TEX19: variants seen among roughly 807,000 people sequenced by gnomAD.
TEX19 encodes testis expressed 19.
For missense variants in TEX19, 184 were observed against 194.4 expected, an observed-to-expected ratio of 0.95 and a Z score of 0.32; for synonymous variants, 77 against 73.9, an observed-to-expected ratio of 1.04 and a Z score of -0.21.
Position 82,362,854 on chromosome 17 carries a change from T to A in TEX19, c.*209T>A. ...CCAGGGCAGCACTGGAAATTGCTGC[T>A]GGAGCCTGGTGAAGTGTGGGTGGTG... On this transcript the variant is annotated 3_prime_UTR_variant, in exon 2 of 2. Coordinates refer to ENST00000333437, the MANE Select transcript of TEX19 (RefSeq NM_207459.4). This position sits in a 1 kb window ranked among gnomAD's most constrained non-coding sequence, Gnocchi z 5.5. 1.7e-6 allele frequency: 1 copy of A among 571,974 alleles called. No individual in the cohort carries two copies. Among genetic ancestry groups the A allele is most frequent in the Non-Finnish European group, 3.0e-6 (1 of 338,202 alleles). The allele number at this position is 571,974 out of a possible 1,614,324, so 35.4% of individuals were successfully genotyped here.
Position 82,362,125 on chromosome 17 carries a change from C to A in TEX19, c.-26C>A. The A allele has an allele frequency of 6.3e-7, 1 of 1,578,884 alleles. No individual in the cohort carries two copies. Among genetic ancestry groups the A allele is most frequent in the Non-Finnish European group, 8.6e-7 (1 of 1,164,220 alleles). On this transcript the variant is annotated 5_prime_UTR_variant, in exon 2 of 2. Transcript: ENST00000333437. This position sits in a 1 kb window ranked among gnomAD's most constrained non-coding sequence, Gnocchi z 5.5. ...TGAAGGCCCAGCTCTTGCTGTCCACCCCGGCAGTAGGCAGGCAGCCTGGCC... is the reference window on the plus strand; with the variant it reads ...TGAAGGCCCAGCTCTTGCTGTCCACACCGGCAGTAGGCAGGCAGCCTGGCC...
intron 1 of TEX19, among the ~76,000 whole-genome samples, chr17:82,360,381 A>C (rs1599668145): frequency 1.7e-5 from 1 of 58,700 alleles, no homozygotes; most frequent in Non-Finnish European, 3.0e-5. Flanking sequence ...GTTTCCCTCA[A>C]GTTTCCCTCA....
In TEX19 at chr17:82,361,865, C is replaced by T. The variant is rs760776201; in HGVS notation, c.-271-15C>T. 6.0e-4 allele frequency: 502 copies of T among 837,248 alleles called. No homozygotes were observed. Among genetic ancestry groups the T allele is most frequent in the Middle Eastern group, 8.9e-4 (2 of 2,242 alleles). 51.9% of individuals were successfully genotyped at this position (837,248 alleles called of 1,614,324 possible). Reference sequence around the variant, plus strand: ...CTGCTGGGGGTGCCTAACCTCCCTTCCTTTGCCTTTCCAGCTCTCCTGAGA... The same window carrying T: ...CTGCTGGGGGTGCCTAACCTCCCTTTCTTTGCCTTTCCAGCTCTCCTGAGA... On this transcript the variant is annotated splice_polypyrimidine_tract_variant and intron_variant, in intron 1 of 1. Transcript: ENST00000333437.
Position 82,362,330 on chromosome 17 carries a change from C to A in TEX19, c.180C>A (p.Asp60Glu). 1 of 1,613,866 alleles carries A rather than the reference C, an allele frequency of 6.2e-7. No individual in the cohort carries two copies. ...ESEDWEEDNW[D>E]PELMEHTEAE... ...AGGACTGGGAAGAAGACAACTGGGA[C>A]CCTGAGCTGATGGAGCACACTGAGG... The change falls in exon 2 of 2, where the codon GAC becomes GAA. Residue 60 changes from aspartate (D) to glutamate (E), a missense_variant. Coordinates refer to ENST00000333437, the MANE Select transcript of TEX19 (RefSeq NM_207459.4). This position sits in a 1 kb window ranked among gnomAD's most constrained non-coding sequence, Gnocchi z 5.5.
chr17:82,359,740 T>C (rs1173935337), intron 1 of TEX19, among the ~76,000 whole-genome samples: 5 of 115,422 alleles, frequency 4.3e-5, no homozygotes, highest in African/African-American at 6.8e-5. Flanking sequence ...TCAGTTTCCC[T>C]CAGGTTCCCT....
rs781052597 is a variant in TEX19, at chr17:82,362,533, A to T, written c.383A>T (p.Glu128Val). Reference protein sequence around the residue: ...HFVPTELWPQEAVPLGLGLED... With the variant: ...HFVPTELWPQVAVPLGLGLED... Reference sequence around the variant, plus strand: ...GTCCCCACTGAACTATGGCCTCAGGAGGCTGTGCCCCTGGGCCTGGGCCTT... The same window carrying T: ...GTCCCCACTGAACTATGGCCTCAGGTGGCTGTGCCCCTGGGCCTGGGCCTT... The change falls in exon 2 of 2, where the codon GAG (glutamate) becomes GTG (valine). Residue 128 changes from glutamate to valine, a missense_variant. By Grantham distance (121) the Glu-to-Val change is moderately radical (BLOSUM62 -2). Coordinates refer to ENST00000333437, the MANE Select transcript of TEX19 (RefSeq NM_207459.4). This position sits in a 1 kb window ranked among gnomAD's most constrained non-coding sequence, Gnocchi z 5.5. 1.2e-5 allele frequency: 19 copies of T among 1,612,832 alleles called. No individual in the cohort carries two copies. The highest frequency in any genetic ancestry group is 1.6e-5 in the Non-Finnish European group (19 of 1,179,894).
At chr17:82,360,248 C>T (rs866725100) in intron 1 of TEX19, among the ~76,000 whole-genome samples, 1 of 87,870 alleles carries the variant, frequency 1.1e-5, no homozygotes, top group Non-Finnish European at 2.3e-5. Context: ...TCAGGTTCCC[C>T]CAGTTTCCCT....
rs767149161 is a variant in TEX19, at chr17:82,362,625, C to T, written c.475C>T (p.Pro159Ser). 13 of 1,553,642 alleles carry T rather than the reference C, an allele frequency of 8.4e-6. No homozygotes were observed. In the South Asian group the frequency reaches 1.5e-4, roughly 18 times the overall value. The change falls in exon 2 of 2, where the codon CCA becomes TCA. Residue 159 changes from proline to serine, a missense_variant. Coordinates refer to ENST00000333437, the MANE Select transcript of TEX19 (RefSeq NM_207459.4). The surrounding 1 kb of genome is among the most constrained non-coding windows in gnomAD (Gnocchi z 5.5). ...GGAGCTTCTTACCTGCTCACACTGG[C>T]CAAGCTTCTTTCCTTCATAGCAGGG... ...FEELLTCSHWPSFFPS is the reference protein window; with the variant it reads ...FEELLTCSHWSSFFPS
chr17:82,362,210 C>T lies in TEX19; in HGVS notation c.60C>T (p.Ser20=), dbSNP rs1432339584. 3.1e-6 allele frequency: 5 copies of T among 1,613,716 alleles called. No homozygotes were observed. Among genetic ancestry groups the T allele is most frequent in the South Asian group, 1.1e-5 (1 of 91,090 alleles). ...EEEGMSYLYA[S]WMYQLQHGDQ... ...AGGGCATGTCCTACCTCTACGCCTC[C>T]TGGATGTATCAGCTTCAACATGGAG... is the stretch of plus-strand genomic sequence containing the variant. Residue 20 remains serine (S), a synonymous_variant, in exon 2 of 2, where the codon TCC becomes TCT. Transcript: ENST00000333437. This position sits in a 1 kb window ranked among gnomAD's most constrained non-coding sequence, Gnocchi z 5.5.
In TEX19 at chr17:82,362,133, T is replaced by C. The variant is rs765440394; in HGVS notation, c.-18T>C. ...CAGCTCTTGCTGTCCACCCCGGCAG[T>C]AGGCAGGCAGCCTGGCCATGTGCCC... On this transcript the variant is annotated 5_prime_UTR_variant, in exon 2 of 2. Transcript: ENST00000333437. The surrounding 1 kb of genome is among the most constrained non-coding windows in gnomAD (Gnocchi z 5.5). 1.9e-6 allele frequency: 3 copies of C among 1,586,230 alleles called. No homozygotes were observed. The highest frequency in any genetic ancestry group is 2.6e-6 in the Non-Finnish European group (3 of 1,167,292).
At chr17:82,359,744 G>GT (rs2052363341) in intron 1 of TEX19, among the ~76,000 whole-genome samples, 1 of 94,300 alleles carries the variant, frequency 1.1e-5, no homozygotes, top group African/African-American at 4.3e-5. Context: ...TTTCCCTCAG[G>GT]TTCCCTCAGT....
At position 82,362,432 on chromosome 17, in the gene TEX19, C is replaced by T. The variant is rs201483934; in HGVS notation, c.282C>T (p.Gly94=). 18 of 1,612,786 alleles carry T rather than the reference C, an allele frequency of 1.1e-5. No homozygotes were observed. The highest frequency in any genetic ancestry group is 1.7e-5 in the Admixed American group (1 of 59,998). ...GQSPGQPVQG[G]SEAWGPGTLA... ...GCCCAGGACAGCCTGTGCAGGGGGGCTCTGAGGCATGGGGGCCAGGGACCC... is the reference window on the plus strand; with the variant it reads ...GCCCAGGACAGCCTGTGCAGGGGGGTTCTGAGGCATGGGGGCCAGGGACCC... The change falls in exon 2 of 2, where the codon GGC becomes GGT. Residue 94 remains glycine, a synonymous_variant. Coordinates refer to ENST00000333437, the MANE Select transcript of TEX19 (RefSeq NM_207459.4). The surrounding 1 kb of genome is among the most constrained non-coding windows in gnomAD (Gnocchi z 5.5).
At chr17:82,361,555 C>T (rs1278963966) in intron 1 of TEX19, 1 of 944,696 alleles carries the variant, frequency 1.1e-6, no homozygotes, top group Non-Finnish European at 1.3e-6. Flanking sequence ...CTCAGGTTCC[C>T]TCAGGTTCCC....
intron 1 of TEX19, among the ~76,000 whole-genome samples, chr17:82,360,171 TTTCCCTCAGG>T (rs200746779): frequency 3.7e-4 from 17 of 46,098 alleles, no homozygotes; most frequent in Non-Finnish European, 6.4e-4. Context: ...GTTCCCTCAG[TTTCCCTCAGG>T]TTCCCCCAGT....
At chr17:82,359,387 GTTCCCTCAGTTTCCCTCAAAT>G (rs1375726041) in intron 1 of TEX19, 102 bp downstream of exon 1, 2 of 152,186 alleles carry the variant, frequency 1.3e-5, no homozygotes, top group Non-Finnish European at 2.9e-5. Flanking sequence ...GATTCCTCAG[GTTCCCTCAGTTTCCCTCAAAT>G]TTCCCTCAGT....
intron 1 of TEX19, 184 bp from the exon 2 acceptor site, chr17:82,361,696 G>A: frequency 1.0e-6 from 1 of 985,380 alleles, no homozygotes; most frequent in South Asian, 4.7e-5. Flanking sequence ...GGGGGTGGCT[G>A]ATGAGCCCGG....
Position 82,362,872 on chromosome 17 carries a change from G to A in TEX19, c.*227G>A. 1.9e-6 allele frequency: 1 copy of A among 530,618 alleles called. No individual in the cohort carries two copies. The highest frequency in any genetic ancestry group is 3.3e-6 in the Non-Finnish European group (1 of 303,144). 32.9% of individuals were successfully genotyped at this position (530,618 alleles called of 1,614,324 possible). ...TTGCTGCTGGAGCCTGGTGAAGTGT[G>A]GGTGGTGAGACTCCAAGATGCACCC... On this transcript the variant is annotated 3_prime_UTR_variant, in exon 2 of 2. Transcript: ENST00000333437. The surrounding 1 kb of genome is among the most constrained non-coding windows in gnomAD (Gnocchi z 5.5).
chr17:82,362,901 G>T lies in TEX19; in HGVS notation c.*256G>T. Reference sequence around the variant, plus strand: ...GGTGAGACTCCAAGATGCACCCCAAGAGCAGGACCTGCACTGGTGGATGCT... The same window carrying T: ...GGTGAGACTCCAAGATGCACCCCAATAGCAGGACCTGCACTGGTGGATGCT... On this transcript the variant is annotated 3_prime_UTR_variant, in exon 2 of 2. Transcript: ENST00000333437. The surrounding 1 kb of genome is among the most constrained non-coding windows in gnomAD (Gnocchi z 5.5). The T allele has an allele frequency of 2.1e-6, 1 of 474,586 alleles. No homozygotes were observed. The highest frequency in any genetic ancestry group is 4.5e-5 in the South Asian group (1 of 22,014). 29.4% of individuals were successfully genotyped at this position (474,586 alleles called of 1,614,324 possible).
chr17:82,362,004 G>A lies in TEX19; in HGVS notation c.-147G>A. The A allele has an allele frequency of 8.9e-7, 1 of 1,128,828 alleles. No individual in the cohort carries two copies. Among genetic ancestry groups the A allele is most frequent in the Non-Finnish European group, 1.2e-6 (1 of 804,732 alleles). The allele number at this position is 1,128,828 out of a possible 1,614,324, so 69.9% of individuals were successfully genotyped here. On this transcript the variant is annotated 5_prime_UTR_variant, in exon 2 of 2. Coordinates refer to ENST00000333437, the MANE Select transcript of TEX19 (RefSeq NM_207459.4). The surrounding 1 kb of genome is among the most constrained non-coding windows in gnomAD (Gnocchi z 5.5). Reference sequence around the variant, plus strand: ...CACCCCACCCCAAATCCCTGGATAGGAAACCCCTTTCTCCTCCTGCTCCTT... The same window carrying A: ...CACCCCACCCCAAATCCCTGGATAGAAAACCCCTTTCTCCTCCTGCTCCTT...
Sources: allele counts gnomAD v4.1 joint callset (sites outside exome capture counted in the v4.1 genomes callset), GRCh38; gene constraint gnomAD v4.1.1; non-coding constraint Gnocchi (gnomAD v3.1); transcripts MANE v1.5; gene names NCBI Gene and HGNC (gene_info 2026-07-23, HGNC 2026-07-21).